EPHA6: variants seen among roughly 807,000 people sequenced by gnomAD.
EPHA6 encodes the protein ephrin type-A receptor 6.
In EPHA6, 50 loss-of-function variants were observed where a neutral mutation model predicts 112.0. That is an observed-to-expected ratio of 0.45 (90% CI 0.36 to 0.56). EPHA6 has a LOEUF of 0.56. EPHA6 is among the 20% of genes least tolerant of loss of function. The pLI, the probability that EPHA6 is intolerant of heterozygous loss-of-function variation, is 0.00. For synonymous variants in EPHA6, 529 were observed against 490.7 expected, an observed-to-expected ratio of 1.08 and a Z score of -1.03; for missense variants, 1,280 against 1,417.4, an observed-to-expected ratio of 0.90 and a Z score of 1.56.
chr3:97,460,653 T>C (rs974982022), intron 7 of EPHA6, among the ~76,000 whole-genome samples: 1 of 152,188 alleles, frequency 6.6e-6, no homozygotes, highest in African/African-American at 2.4e-5. Flanking sequence ...CAAAAGAAGC[T>C]ACATGCCCCT....
intron 14 of EPHA6, among the ~76,000 whole-genome samples, chr3:97,716,123 G>A (rs539303804): frequency 8.5e-5 from 13 of 152,100 alleles, no homozygotes; most frequent in Admixed American, 1.3e-4. Context: ...GTTCATTCCC[G>A]AAACCTGAAG....
chr3:97,328,893 G>A (rs1361478186), intron 5 of EPHA6, among the ~76,000 whole-genome samples: 1 of 151,994 alleles, frequency 6.6e-6, no homozygotes, highest in East Asian at 1.9e-4. Flanking sequence ...GTATGCATGT[G>A]CCATATTGGT....
At chr3:96,954,361 A>G (rs2041672895) in intron 2 of EPHA6, among the ~76,000 whole-genome samples, 1 of 152,146 alleles carries the variant, frequency 6.6e-6, no homozygotes, top group Admixed American at 6.5e-5. Flanking sequence ...GATTTTCCCC[A>G]ATATCTCTTT....
chr3:96,878,738 T>C (rs2037124612), intron 2 of EPHA6, among the ~76,000 whole-genome samples: 1 of 152,064 alleles, frequency 6.6e-6, no homozygotes, highest in African/African-American at 2.4e-5. Flanking sequence ...CAAATTACTA[T>C]TTATATGATG....
At chr3:97,264,326 T>C (rs2079601280) in intron 5 of EPHA6, among the ~76,000 whole-genome samples, 1 of 152,224 alleles carries the variant, frequency 6.6e-6, no homozygotes, top group Non-Finnish European at 1.5e-5. Flanking sequence ...GGTCCGGCCA[T>C]TGCGCACAGT....
At chr3:97,145,954 A>G (rs1321336564) in intron 3 of EPHA6, among the ~76,000 whole-genome samples, 1 of 151,560 alleles carries the variant, frequency 6.6e-6, no homozygotes, top group African/African-American at 2.4e-5. Context: ...AGTATTCTTA[A>G]TATTTTTAAA....
intron 2 of EPHA6, among the ~76,000 whole-genome samples, chr3:96,891,257 AC>A (rs1487969915): frequency 2.0e-5 from 3 of 152,002 alleles, no homozygotes; most frequent in African/African-American, 7.3e-5. Flanking sequence ...AAGCAAAGAA[AC>A]TGAAAAAAAA....
intron 7 of EPHA6, among the ~76,000 whole-genome samples, chr3:97,456,911 G>GA (rs2090709335): frequency 6.6e-6 from 1 of 152,064 alleles, no homozygotes; most frequent in Non-Finnish European, 1.5e-5. Context: ...CAAATTTAGT[G>GA]AAAAATATAT....
intron 10 of EPHA6, among the ~76,000 whole-genome samples, chr3:97,511,253 C>T (rs1056632947): frequency 1.3e-5 from 2 of 152,114 alleles, no homozygotes; most frequent in African/African-American, 2.4e-5. Context: ...GCAGCTAGCT[C>T]GGTGTCTGCC....
At chr3:97,481,154 A>G (rs1239235518) in intron 9 of EPHA6, 1 of 773,088 alleles carries the variant, frequency 1.3e-6, no homozygotes, top group Non-Finnish European at 2.2e-6. Context: ...TAGAGAGCCG[A>G]GATCACGCCA....
intron 2 of EPHA6, among the ~76,000 whole-genome samples, chr3:96,895,233 T>G (rs1302461571): frequency 6.6e-6 from 1 of 152,052 alleles, no homozygotes; most frequent in East Asian, 1.9e-4. Flanking sequence ...TGTGCAGACT[T>G]AAGCTAATCT....
At chr3:97,606,824 A>G (rs2093683275) in intron 12 of EPHA6, among the ~76,000 whole-genome samples, 1 of 151,198 alleles carries the variant, frequency 6.6e-6, no homozygotes, top group Admixed American at 6.6e-5. Flanking sequence ...TCTCTACAAC[A>G]GAAACATGGA....
At chr3:96,913,369 C>CA (rs11395372) in intron 2 of EPHA6, among the ~76,000 whole-genome samples, 29,909 of 145,570 alleles carry the variant, frequency 0.21, 3,126 homozygotes, top group Middle Eastern at 0.25. Context: ...GACCCTCTCT[C>CA]AAAAAAAAAA....
chr3:97,354,029 C>A (rs2083941928), intron 5 of EPHA6, among the ~76,000 whole-genome samples: 3 of 152,214 alleles, frequency 2.0e-5, no homozygotes, highest in Admixed American at 2.0e-4. Context: ...AGACCAACAA[C>A]ACAATGCCTC....
chr3:97,608,124 T>C (rs900882918), intron 12 of EPHA6, among the ~76,000 whole-genome samples: 5 of 151,048 alleles, frequency 3.3e-5, no homozygotes, highest in African/African-American at 1.2e-4. Flanking sequence ...AATTAACAGC[T>C]GTTCTCAGTT....
intron 14 of EPHA6, among the ~76,000 whole-genome samples, chr3:97,647,241 G>A (rs2094071973): frequency 1.3e-5 from 2 of 152,168 alleles, no homozygotes; most frequent in Admixed American, 6.5e-5. Flanking sequence ...AGGGATTATT[G>A]AGAACAGATA....
At chr3:96,900,232 T>C (rs2038528912) in intron 2 of EPHA6, among the ~76,000 whole-genome samples, 1 of 152,192 alleles carries the variant, frequency 6.6e-6, no homozygotes, top group Non-Finnish European at 1.5e-5. Flanking sequence ...ACATGACTTC[T>C]CTTAGTCATG....
chr3:97,442,500 C>T (rs887560171), intron 6 of EPHA6, among the ~76,000 whole-genome samples: 15 of 151,982 alleles, frequency 9.9e-5, no homozygotes, highest in South Asian at 2.1e-4. Flanking sequence ...GCAGAAGAAT[C>T]GCTTGAACCA....
intron 5 of EPHA6, among the ~76,000 whole-genome samples, chr3:97,252,296 T>A (rs535581507): frequency 1.4e-4 from 21 of 152,248 alleles, no homozygotes; most frequent in African/African-American, 5.1e-4. Flanking sequence ...GCTGCCTTTG[T>A]AACCCACAAT....
Sources: allele counts gnomAD v4.1 joint callset (sites outside exome capture counted in the v4.1 genomes callset), GRCh38; gene constraint gnomAD v4.1.1; transcripts MANE v1.5; gene names NCBI Gene and HGNC (gene_info 2026-07-23, HGNC 2026-07-21).